LRP2BP: variants seen among roughly 807,000 people sequenced by gnomAD.
The protein encoded by LRP2BP is LRP2-binding protein.
In LRP2BP, 38 loss-of-function variants were observed where a neutral mutation model predicts 45.2. The observed-to-expected ratio is 0.84, with a 90% CI of 0.65 to 1.10. The LOEUF is 1.10. Among genes scored for constraint, LRP2BP ranks in the 50% least tolerant of loss-of-function variants. The pLI is 0.00. For synonymous variants in LRP2BP, 153 were observed against 153.9 expected, an observed-to-expected ratio of 0.99 and a Z score of 0.04; for missense variants, 385 against 418.9, an observed-to-expected ratio of 0.92 and a Z score of 0.71.
chr4:185,365,956 T>G lies in LRP2BP; in HGVS notation c.*1224A>C, dbSNP rs2095386809. On this transcript the variant is annotated 3_prime_UTR_variant, in exon 9 of 9. Coordinates refer to ENST00000505916, the MANE Select transcript of LRP2BP (RefSeq NM_001377440.1). Reference sequence around the variant, plus strand: ...ACGAGAGCAAATACTTTTCTGCCATTCAACAGTTCTTAGTGACTATCACCT... The same window carrying G: ...ACGAGAGCAAATACTTTTCTGCCATGCAACAGTTCTTAGTGACTATCACCT... 6.6e-6 allele frequency: 1 copy of G among 152,208 alleles called. No individual in the cohort carries two copies. The highest frequency in any genetic ancestry group is 6.5e-5 in the Admixed American group (1 of 15,288). The allele number at this position is 152,208 out of a possible 1,614,324, so 9.4% of individuals were successfully genotyped here. A position where few individuals can be genotyped will look rare whatever the true frequency, so the allele number is the denominator to read the frequency against.
chr4:185,387,822 C>T (rs2095476101), intron 1 of LRP2BP, among the ~76,000 whole-genome samples: 2 of 152,336 alleles, frequency 1.3e-5, no homozygotes, highest in Non-Finnish European at 1.5e-5. Context: ...GAAGCCAGCC[C>T]CCAGCCCCGG....
intron 8 of LRP2BP, 35 bp downstream of exon 8, chr4:185,370,605 C>T: frequency 6.2e-7 from 1 of 1,601,754 alleles, no homozygotes; most frequent in Non-Finnish European, 8.5e-7. Context: ...GGCAGTTTCT[C>T]TTTGGGTGAA....
intron 2 of LRP2BP, 64 bp from the exon 3 acceptor site, chr4:185,377,082 T>C: frequency 8.7e-7 from 1 of 1,153,698 alleles, no homozygotes; most frequent in Non-Finnish European, 1.3e-6. Context: ...CTTGAAGTAA[T>C]GAATCATATA....
At position 185,363,990 on chromosome 4, in the gene LRP2BP, G is replaced by C. The variant is rs2095377718; in HGVS notation, c.*3190C>G. ...AATCACAGTGCTCTATGATATTTAA[G>C]ATACTTATATCTCAAAGAGGTTGAA... On this transcript the variant is annotated 3_prime_UTR_variant, in exon 9 of 9. Transcript: ENST00000505916. The surrounding 1 kb of genome is among the most constrained non-coding windows in gnomAD (Gnocchi z 4.2). 1 of 152,874 alleles carries C rather than the reference G, an allele frequency of 6.5e-6. No individual in the cohort carries two copies. The highest frequency in any genetic ancestry group is 2.1e-4 in the South Asian group (1 of 4,838). The allele number at this position is 152,874 out of a possible 1,614,324, so 9.5% of individuals were successfully genotyped here. A position where few individuals can be genotyped will look rare whatever the true frequency, so the allele number is the denominator to read the frequency against.
intron 1 of LRP2BP, among the ~76,000 whole-genome samples, chr4:185,381,046 CAAGA>C (rs1284616448): frequency 6.6e-6 from 1 of 152,184 alleles, no homozygotes; most frequent in Non-Finnish European, 1.5e-5. Flanking sequence ...GCTCTCAGAT[CAAGA>C]AAGAGATCCT....
At position 185,366,698 on chromosome 4, in the gene LRP2BP, ATGAC is replaced by A. The variant is rs2095389113; in HGVS notation, c.*478_*481del. The A allele has an allele frequency of 6.6e-6, 1 of 152,180 alleles. No homozygotes were observed. The highest frequency in any genetic ancestry group is 6.5e-5 in the Admixed American group (1 of 15,278). 9.4% of individuals were successfully genotyped at this position (152,180 alleles called of 1,614,324 possible). On this transcript the variant is annotated 3_prime_UTR_variant, in exon 9 of 9. Coordinates refer to ENST00000505916, the MANE Select transcript of LRP2BP (RefSeq NM_001377440.1). ...AAATTTTAAATTTTTAAAATTTTAAATGACTGAAAATTTAAATTTTAAATGACTG... is the reference window on the plus strand; with the variant it reads ...AAATTTTAAATTTTTAAAATTTTAAATGAAAATTTAAATTTTAAATGACTG...
At chr4:185,397,144 C>T (rs751301958), upstream of LRP2BP, 6 of 1,613,120 alleles carry the variant, frequency 3.7e-6, no homozygotes, top group African/African-American at 4.0e-5. Flanking sequence ...TGTTCTCTTC[C>T]TGCAGGTGGA....
At chr4:185,368,631 G>A (rs923223357) in intron 8 of LRP2BP, among the ~76,000 whole-genome samples, 1 of 152,086 alleles carries the variant, frequency 6.6e-6, no homozygotes, top group Non-Finnish European at 1.5e-5. Context: ...GCCTCTAAAT[G>A]ATCTCCATTT....
intron 1 of LRP2BP, chr4:185,378,863 C>T (rs1385594531): frequency 1.0e-6 from 1 of 985,316 alleles, no homozygotes; most frequent in Non-Finnish European, 1.2e-6. Flanking sequence ...TACTCCTTGG[C>T]ATTCCACTGT....
At position 185,375,906 on chromosome 4, in the gene LRP2BP, C is replaced by G. The variant is rs2030803; in HGVS notation, c.217-180G>C. ...CTCTCAGCCATGGTGCTCTGCCATC[C>G]TCAGAGTAACAGGCGCACGATGAGC... On this transcript the variant is annotated intron_variant, in intron 3 of 8. Coordinates refer to ENST00000505916, the MANE Select transcript of LRP2BP (RefSeq NM_001377440.1). 1.6e-3 allele frequency among the ~76,000 whole-genome samples: 240 copies of G among 152,230 alleles called. No individual in the cohort carries two copies. The East Asian group carries it at 0.027, about 17-fold the overall frequency.
intron 1 of LRP2BP, among the ~76,000 whole-genome samples, chr4:185,382,606 TC>T (rs1322575696): frequency 6.6e-5 from 10 of 152,236 alleles, no homozygotes; most frequent in Non-Finnish European, 1.3e-4. Flanking sequence ...TAATGAAAAA[TC>T]ATGTTGAGCA....
intron 1 of LRP2BP, 111 bp downstream of exon 1, chr4:185,394,668 C>T (rs1484768495): frequency 2.6e-6 from 2 of 773,834 alleles, no homozygotes; most frequent in East Asian, 2.6e-4. Flanking sequence ...GCTCTCAATA[C>T]TGGAAGATAT....
At position 185,375,647 on chromosome 4, in the gene LRP2BP, A is replaced by G; in HGVS notation, c.296T>C (p.Met99Thr). 6.2e-7 allele frequency: 1 copy of G among 1,611,728 alleles called. No homozygotes were observed. Among genetic ancestry groups the G allele is most frequent in the Non-Finnish European group, 8.5e-7 (1 of 1,179,222 alleles). Residue 99 changes from methionine (M) to threonine (T), a missense_variant, in exon 4 of 9, where the codon ATG becomes ACG. Coordinates refer to ENST00000505916, the MANE Select transcript of LRP2BP (RefSeq NM_001377440.1). ...DHQATYQLGV[M>T]YYDGLGTTLD... Reference sequence around the variant, plus strand: ...AGTGGTCCCCAGCCCATCATAGTACATCACTCCTAGCTGGTAAGTTGCTTG... The same window carrying G: ...AGTGGTCCCCAGCCCATCATAGTACGTCACTCCTAGCTGGTAAGTTGCTTG...
chr4:185,377,137 T>TC, intron 2 of LRP2BP, 119 bp from the exon 3 acceptor site: 1 of 746,416 alleles, frequency 1.3e-6, no homozygotes, highest in South Asian at 1.6e-5. Context: ...TAGTGCTCAT[T>TC]CCTACAACTG....
At chr4:185,376,096 T>C (rs1203194476) in intron 3 of LRP2BP, among the ~76,000 whole-genome samples, 1 of 152,116 alleles carries the variant, frequency 6.6e-6, no homozygotes, top group Non-Finnish European at 1.5e-5. Flanking sequence ...GAAACTACAT[T>C]ACTGAAGTTG....
At chr4:185,372,770 C>A in intron 7 of LRP2BP, 86 bp downstream of exon 7, 1 of 1,176,238 alleles carries the variant, frequency 8.5e-7, no homozygotes, top group Non-Finnish European at 1.2e-6. Context: ...GCCTCTGGAA[C>A]TGTGAGAAAT....
chr4:185,369,326 T>G (rs1234913900), intron 8 of LRP2BP, among the ~76,000 whole-genome samples: 1 of 149,384 alleles, frequency 6.7e-6, no homozygotes, highest in Non-Finnish European at 1.5e-5. Context: ...GAAGCAATTC[T>G]CCTGCCTCAG....
At chr4:185,378,514 T>C in intron 1 of LRP2BP, 5 of 1,068,800 alleles carry the variant, frequency 4.7e-6, no homozygotes, top group African/African-American at 1.7e-5. Flanking sequence ...CCAGCACAAG[T>C]GTTGCCACTT....
intron 1 of LRP2BP, 26 bp from the exon 2 acceptor site, chr4:185,378,233 G>C: frequency 6.2e-7 from 1 of 1,602,478 alleles, no homozygotes; most frequent in Non-Finnish European, 8.5e-7. Flanking sequence ...AAAAATAAGT[G>C]GTAGAAATTT....
Sources: allele counts gnomAD v4.1 joint callset (sites outside exome capture counted in the v4.1 genomes callset), GRCh38; gene constraint gnomAD v4.1.1; non-coding constraint Gnocchi (gnomAD v3.1); transcripts MANE v1.5; gene names NCBI Gene and HGNC (gene_info 2026-07-23, HGNC 2026-07-21).